ENTPD3: variants seen among roughly 807,000 people sequenced by gnomAD.
The protein encoded by ENTPD3 is CD39 antigen-like 3.
ENTPD3 carries 60 observed loss-of-function variants against 51.2 expected under a neutral mutation model. That is an observed-to-expected ratio of 1.17 (90% confidence interval 0.95 to 1.45). ENTPD3 has a LOEUF of 1.45. Ranked by LOEUF, ENTPD3 falls within the 40% of genes most tolerant of loss-of-function variation. ENTPD3 has a pLI of 0.00. For missense variants in ENTPD3, 593 were observed against 641.1 expected, an observed-to-expected ratio of 0.93 and a Z score of 0.81; for synonymous variants, 221 against 238.4, an observed-to-expected ratio of 0.93 and a Z score of 0.67.
intron 7 of ENTPD3, among the ~76,000 whole-genome samples, chr3:40,422,014 T>A (rs923213614): frequency 2.6e-5 from 4 of 152,134 alleles, no homozygotes; most frequent in African/African-American, 7.2e-5. Flanking sequence ...AATGATACAT[T>A]ATATATATCC....
intron 1 of ENTPD3, 117 bp downstream of exon 1, chr3:40,387,378 G>A (rs1954963669): frequency 1.3e-5 from 2 of 152,444 alleles, no homozygotes; most frequent in Non-Finnish European, 2.9e-5. Flanking sequence ...GCCAGAGGAA[G>A]AGACTGAAAC....
intron 4 of ENTPD3, among the ~76,000 whole-genome samples, chr3:40,406,402 T>G (rs1168374058): frequency 6.6e-6 from 1 of 152,128 alleles, no homozygotes; most frequent in Non-Finnish European, 1.5e-5. Context: ...AGGGTTTGAC[T>G]GTGACACAAA....
chr3:40,402,857 A>G (rs1448810833), intron 4 of ENTPD3, among the ~76,000 whole-genome samples: 1 of 152,164 alleles, frequency 6.6e-6, no homozygotes, highest in Non-Finnish European at 1.5e-5. Context: ...CAATTAAGTA[A>G]TTAGTCCAAG....
chr3:40,414,921 G>C, intron 6 of ENTPD3, 81 bp downstream of exon 6: 1 of 1,424,484 alleles, frequency 7.0e-7, no homozygotes, highest in Non-Finnish European at 9.8e-7. Flanking sequence ...AGAGGTACAT[G>C]CCATCAGGGA....
At chr3:40,390,091 T>A (rs1352511529) in intron 2 of ENTPD3, among the ~76,000 whole-genome samples, 2 of 152,242 alleles carry the variant, frequency 1.3e-5, no homozygotes, top group Admixed American at 1.3e-4. Context: ...GATAGCCAAT[T>A]GATTAGATAT....
intron 10 of ENTPD3, among the ~76,000 whole-genome samples, chr3:40,426,925 T>C (rs1328764151): frequency 6.6e-6 from 1 of 152,210 alleles, no homozygotes; most frequent in Admixed American, 6.5e-5. Flanking sequence ...GAACTGGTCC[T>C]GGGATCAGTA....
chr3:40,393,900 T>C (rs898799521), intron 3 of ENTPD3, among the ~76,000 whole-genome samples: 7 of 151,366 alleles, frequency 4.6e-5, no homozygotes, highest in South Asian at 2.1e-4. Context: ...AAAAATTAGC[T>C]GGGCGTGGTG....
In ENTPD3 at chr3:40,423,386, A is replaced by G. The variant is rs146397894; in HGVS notation, c.1200A>G (p.Ser400=). ...TFNSSTWNFC[S]QNWSQLPLLL... ...ACTCCAGCACCTGGAATTTCTGCTC[A>G]CAGAATTGGAGTCAGGTCAGTATTT... Residue 400 remains serine, a synonymous_variant, in exon 9 of 11, where the codon TCA becomes TCG. Coordinates refer to ENST00000301825, the MANE Select transcript of ENTPD3 (RefSeq NM_001248.4). 1.7e-4 allele frequency: 267 copies of G among 1,611,880 alleles called. No individual in the cohort carries two copies. Among genetic ancestry groups the G allele is most frequent in the Middle Eastern group, 8.2e-4 (5 of 6,062 alleles).
At chr3:40,391,855 G>A (rs1955062938) in intron 2 of ENTPD3, 168 bp from the exon 3 acceptor site, 4 of 735,814 alleles carry the variant, frequency 5.4e-6, no homozygotes, top group Non-Finnish European at 6.9e-6. Context: ...CAAAACTGGG[G>A]AGAAGGGGAG....
chr3:40,416,861 G>A (rs1398503334), intron 7 of ENTPD3, among the ~76,000 whole-genome samples: 1 of 152,056 alleles, frequency 6.6e-6, no homozygotes, highest in Non-Finnish European at 1.5e-5. Context: ...CAAAGGCAGG[G>A]GAATCAGCCT....
At chr3:40,422,383 T>A (rs567374872) in intron 7 of ENTPD3, among the ~76,000 whole-genome samples, 1 of 151,464 alleles carries the variant, frequency 6.6e-6, no homozygotes, top group South Asian at 2.1e-4. Flanking sequence ...ATACTTTAAG[T>A]TTTAGGGTAC....
Position 40,422,854 on chromosome 3 carries a change from C to T in ENTPD3, c.836C>T (p.Ser279Phe). ...KKFLAMLLQN[S>F]PTKNHLTNPC... The stretch of plus-strand genomic sequence containing the variant: ...ACCTTACTCTTATACCTACAGAATT[C>T]TCCTACCAAAAACCATCTCACCAAT... The change falls in exon 8 of 11, where the codon TCT becomes TTT. Residue 279 changes from serine (S) to phenylalanine (F), a missense_variant. Ser to Phe is a radical substitution (Grantham distance 155). Coordinates refer to ENST00000301825, the MANE Select transcript of ENTPD3 (RefSeq NM_001248.4). 3 of 1,610,760 alleles carry T rather than the reference C, an allele frequency of 1.9e-6. No individual in the cohort carries two copies. The highest frequency in any genetic ancestry group is 2.5e-6 in the Non-Finnish European group (3 of 1,179,496).
At chr3:40,402,593 A>T (rs1955390289) in intron 4 of ENTPD3, among the ~76,000 whole-genome samples, 1 of 152,126 alleles carries the variant, frequency 6.6e-6, no homozygotes, top group African/African-American at 2.4e-5. Flanking sequence ...TTCTTTATAA[A>T]TATTCTAAAT....
chr3:40,388,585 GACACACACACACAC>G lies in ENTPD3; in HGVS notation c.40+515_40+528del, dbSNP rs55657804. On this transcript the variant is annotated intron_variant, in intron 2 of 10. Transcript: ENST00000301825. Reference sequence around the variant, plus strand: ...TCACACTGGAAGGCACACACACACAGACACACACACACACACACACACACACACACACACACACA... The same window carrying G: ...TCACACTGGAAGGCACACACACACAGACACACACACACACACACACACACA... Among the ~76,000 whole-genome samples the G allele has an allele frequency of 6.4e-3, 806 of 126,276 alleles. 6 individuals carry two copies. The highest frequency in any genetic ancestry group is 0.02 in the African/African-American group (720 of 36,516). The allele number at this position is 126,276 out of a possible 152,430, so 82.8% of individuals were successfully genotyped here. A position where few individuals can be genotyped will look rare whatever the true frequency, so the allele number is the denominator to read the frequency against.
At chr3:40,387,751 G>A (rs1954971179) in intron 1 of ENTPD3, among the ~76,000 whole-genome samples, 1 of 152,142 alleles carries the variant, frequency 6.6e-6, no homozygotes, top group Non-Finnish European at 1.5e-5. Context: ...GTTCTCTCTT[G>A]GGTGTGTGTA....
At chr3:40,399,764 T>C (rs1471084048) in intron 3 of ENTPD3, 1 of 152,258 alleles carries the variant, frequency 6.6e-6, no homozygotes, top group Non-Finnish European at 1.5e-5. Flanking sequence ...AACTTTCTAG[T>C]GCCTGCTCAA....
rs891176481 is a variant in ENTPD3, at chr3:40,427,624, T to C, written c.*116T>C. The C allele has an allele frequency of 3.0e-5, 22 of 744,486 alleles. No homozygotes were observed. The highest frequency in any genetic ancestry group is 4.7e-5 in the Non-Finnish European group (20 of 429,796). 46.1% of individuals were successfully genotyped at this position (744,486 alleles called of 1,614,324 possible). On this transcript the variant is annotated 3_prime_UTR_variant, in exon 11 of 11. Transcript: ENST00000301825. ...ATACAACTAACTAAAATCAAACACC[T>C]AGGTCACGTGCCTCTCAAATACTGA...
rs777632020 is a variant in ENTPD3 at position 40,415,857 on chromosome 3, G to A, written c.615G>A (p.Met205Ile). The change falls in exon 7 of 11, where the codon ATG becomes ATA. Residue 205 changes from methionine (M) to isoleucine (I), a missense_variant. By Grantham distance (10) the Met-to-Ile change is conservative (BLOSUM62 1). Coordinates refer to ENST00000301825, the MANE Select transcript of ENTPD3 (RefSeq NM_001248.4). ...GNFLEKNLWHMWVHPHGVETT... is the reference protein window; with the variant it reads ...GNFLEKNLWHIWVHPHGVETT... ...CTGTGCAGAAGAACCTGTGGCACATGTGGGTGCACCCGCATGGAGTGGAAA... is the reference window on the plus strand; with the variant it reads ...CTGTGCAGAAGAACCTGTGGCACATATGGGTGCACCCGCATGGAGTGGAAA... 5.0e-6 allele frequency: 8 copies of A among 1,613,930 alleles called. No individual in the cohort carries two copies. The Admixed American group carries it at 1.3e-4, about 27-fold the overall frequency.
chr3:40,391,954 T>C, intron 2 of ENTPD3, 69 bp from the exon 3 acceptor site: 1 of 1,580,566 alleles, frequency 6.3e-7, no homozygotes. Flanking sequence ...AGTCCATCAA[T>C]TCTACAAAGA....
Sources: gnomAD v4.1 joint callset for allele counts (sites outside exome capture counted in the v4.1 genomes callset) on GRCh38, gnomAD v4.1.1 for gene constraint, MANE v1.5 for transcripts, NCBI Gene and HGNC (gene_info 2026-07-23, HGNC 2026-07-21) for gene names.